The following KHDRBS1 variants were observed in gnomAD, a reference collection of about 807,000 sequenced individuals.
KHDRBS1 encodes KH domain-containing, RNA-binding, signal transduction-associated protein 1.
KHDRBS1 carries 7 observed loss-of-function variants against 48.4 expected under a neutral mutation model. The observed-to-expected ratio is 0.14, with a 90% CI of 0.08 to 0.27. KHDRBS1 has a LOEUF of 0.27. Ranked by LOEUF, KHDRBS1 falls within the 10% of genes least tolerant of loss-of-function variation. KHDRBS1 has a pLI of 1.00. For synonymous variants in KHDRBS1, 241 were observed against 235.8 expected (o/e 1.02, Z -0.20); for missense variants, 458 against 601.2 (o/e 0.76, Z 2.49).
At chr1:32,026,991 C>T (rs1370813779) in intron 1 of KHDRBS1, among the ~76,000 whole-genome samples, 1 of 152,162 alleles carries the variant, frequency 6.6e-6, no homozygotes, top group African/African-American at 2.4e-5. Flanking sequence ...GACGGGGTTT[C>T]CCCATGTTGA....
chr1:32,028,338 G>C, intron 1 of KHDRBS1, among the ~76,000 whole-genome samples: 1 of 151,692 alleles, frequency 6.6e-6, no homozygotes, highest in East Asian at 1.9e-4. Flanking sequence ...CCTCTTCTAG[G>C]TGATTGTGAT....
intron 3 of KHDRBS1, among the ~76,000 whole-genome samples, chr1:32,032,175 A>G (rs534403752): frequency 6.2e-4 from 94 of 152,046 alleles, no homozygotes; most frequent in Non-Finnish European, 8.2e-4. Context: ...TTTTTTCCCC[A>G]TGCCATAGCC....
In KHDRBS1 at chr1:32,042,649, A is replaced by G. The variant is rs1301434735; in HGVS notation, c.*25A>G. On this transcript the variant is annotated 3_prime_UTR_variant, in exon 9 of 9. Coordinates refer to ENST00000327300, the MANE Select transcript of KHDRBS1 (RefSeq NM_006559.3). Reference sequence around the variant, plus strand: ...AAAACAAACATGAGGGGAAAATATCAGTTATGAGCAAAGTTGTTACTGATT... The same window carrying G: ...AAAACAAACATGAGGGGAAAATATCGGTTATGAGCAAAGTTGTTACTGATT... The G allele has an allele frequency of 7.2e-7, 1 of 1,387,068 alleles. No individual in the cohort carries two copies. The highest frequency in any genetic ancestry group is 1.2e-5 in the South Asian group (1 of 86,032). 85.9% of individuals were successfully genotyped at this position (1,387,068 alleles called of 1,614,324 possible). A position where few individuals can be genotyped will look rare whatever the true frequency, so the allele number is the denominator to read the frequency against.
chr1:32,017,446 A>T (rs184089578), intron 1 of KHDRBS1, among the ~76,000 whole-genome samples: 404 of 152,058 alleles, frequency 2.7e-3, no homozygotes, highest in African/African-American at 9.4e-3. Flanking sequence ...TATACTAAGT[A>T]AAATGCTGTT....
At chr1:32,036,449 G>C (rs566497697) in intron 4 of KHDRBS1, among the ~76,000 whole-genome samples, 34 of 152,218 alleles carry the variant, frequency 2.2e-4, no homozygotes, top group Middle Eastern at 6.8e-3. Context: ...GATTACAGGC[G>C]TGAGCCACTG....
chr1:32,019,436 G>C (rs1040096556), intron 1 of KHDRBS1, among the ~76,000 whole-genome samples: 3 of 152,018 alleles, frequency 2.0e-5, no homozygotes, highest in African/African-American at 7.2e-5. Flanking sequence ...TGTAATGCCG[G>C]CTACTTGGAA....
chr1:32,014,185 C>T lies in KHDRBS1; in HGVS notation c.190C>T (p.Pro64Ser), dbSNP rs1473193198. The change falls in exon 1 of 9, where the codon CCA becomes TCA. Residue 64 changes from proline (P) to serine (S), a missense_variant. Physicochemically the swap from Pro to Ser is moderately conservative, Grantham distance 74. Around this residue, in one of 3 missense-constraint regions of KHDRBS1, gnomAD observed 213 missense variants for 215.6 expected, o/e 0.99. Coordinates refer to ENST00000327300, the MANE Select transcript of KHDRBS1 (RefSeq NM_006559.3). ...CCGGGCCTCGCCCGCCACGCAGCCG[C>T]CACCGCTGCTGCCGCCCTCGGCCAC... is the stretch of plus-strand genomic sequence containing the variant. ...GARASPATQPPPLLPPSATGP... is the reference protein window; with the variant it reads ...GARASPATQPSPLLPPSATGP... The T allele has an allele frequency of 3.0e-6, 4 of 1,337,158 alleles. No individual in the cohort carries two copies. The highest frequency in any genetic ancestry group is 3.8e-6 in the Non-Finnish European group (4 of 1,039,840). 82.8% of individuals were successfully genotyped at this position (1,337,158 alleles called of 1,614,324 possible).
downstream of KHDRBS1, among the ~76,000 whole-genome samples, chr1:32,046,224 G>GT (rs35900268): frequency 0.033 from 4,807 of 145,780 alleles, 246 homozygotes; most frequent in African/African-American, 0.11. Context: ...CTTTTGTTTT[G>GT]TTTTTTTTGA....
At chr1:32,020,248 C>T (rs149003641) in intron 1 of KHDRBS1, among the ~76,000 whole-genome samples, 44 of 150,546 alleles carry the variant, frequency 2.9e-4, no homozygotes, top group African/African-American at 1.0e-3. Context: ...CTGAGAATGG[C>T]GGCACACACC....
chr1:32,053,065 A>G (rs1639442569), intron 10 of KHDRBS1, among the ~76,000 whole-genome samples: 1 of 152,154 alleles, frequency 6.6e-6, no homozygotes, highest in Admixed American at 6.5e-5. Context: ...AGTCAGGAAG[A>G]TCTCTTGAGC....
chr1:32,027,306 T>C (rs1441764446), intron 1 of KHDRBS1, among the ~76,000 whole-genome samples: 2 of 152,180 alleles, frequency 1.3e-5, no homozygotes, highest in African/African-American at 4.8e-5. Context: ...TCTAGGACTT[T>C]GAGGATTGAA....
chr1:32,053,572 GA>G (rs1373561843), intron 10 of KHDRBS1, among the ~76,000 whole-genome samples: 2 of 151,954 alleles, frequency 1.3e-5, no homozygotes, highest in African/African-American at 2.4e-5. Context: ...ATTTTTTATA[GA>G]AACAAGTCTC....
intron 1 of KHDRBS1, among the ~76,000 whole-genome samples, chr1:32,020,377 G>C (rs1433349776): frequency 6.7e-6 from 1 of 150,344 alleles, no homozygotes; most frequent in East Asian, 1.9e-4. Flanking sequence ...CTTGAGCTGA[G>C]ATCGTGCCAC....
rs1217086736 is a variant in KHDRBS1, at chr1:32,039,502, C to G, written c.1176-13C>G. 4 of 1,318,632 alleles carry G rather than the reference C, an allele frequency of 3.0e-6. No individual in the cohort carries two copies. Among genetic ancestry groups the G allele is most frequent in the African/African-American group, 1.4e-5 (1 of 69,064 alleles). The allele number at this position is 1,318,632 out of a possible 1,614,324, so 81.7% of individuals were successfully genotyped here. On this transcript the variant is annotated splice_polypyrimidine_tract_variant and intron_variant, in intron 7 of 8. Coordinates refer to ENST00000327300, the MANE Select transcript of KHDRBS1 (RefSeq NM_006559.3). ...ACTCTGTAGCTTCCTAACACTCTGC[C>G]TTTGGCTTTCAGGGACTCAGAATAT...
intron 10 of KHDRBS1, among the ~76,000 whole-genome samples, chr1:32,051,641 C>G (rs1639423203): frequency 6.6e-6 from 1 of 152,226 alleles, no homozygotes; most frequent in African/African-American, 2.4e-5. Flanking sequence ...CTAGCCCTCT[C>G]TTCCCCCACC....
At chr1:32,033,164 A>G in intron 3 of KHDRBS1, 24 bp from the exon 4 acceptor site, 1 of 1,607,216 alleles carries the variant, frequency 6.2e-7, no homozygotes, top group Non-Finnish European at 8.5e-7. Context: ...CCATGGTGTG[A>G]CATTTCTCTG....
In KHDRBS1 at chr1:32,034,913, G is replaced by A. The variant is rs547514404; in HGVS notation, c.771+1579G>A. ...GGAGAATGGTATGAACCCGGGAGGC[G>A]GAGCTTGCAGTGAGCCGAGATTGCG... On this transcript the variant is annotated intron_variant, in intron 4 of 8. Coordinates refer to ENST00000327300, the MANE Select transcript of KHDRBS1 (RefSeq NM_006559.3). 2.9e-4 allele frequency among the ~76,000 whole-genome samples: 44 copies of A among 151,704 alleles called. No homozygotes were observed. The South Asian group carries it at 4.0e-3, about 14-fold the overall frequency.
chr1:32,036,956 A>G lies in KHDRBS1; in HGVS notation c.818A>G (p.Tyr273Cys). The G allele has an allele frequency of 6.2e-7, 1 of 1,614,080 alleles. No individual in the cohort carries two copies. Among genetic ancestry groups the G allele is most frequent in the Non-Finnish European group, 8.5e-7 (1 of 1,179,978 alleles). ...ICQEQFLELS[Y>C]LNGVPEPSRG... ...CAGGAGCAATTTCTAGAGCTGTCCT[A>G]CTTGAATGGAGTACCTGAACCCTCT... The change falls in exon 5 of 9, where the codon TAC (tyrosine) becomes TGC (cysteine). Residue 273 changes from tyrosine (Y) to cysteine (C), a missense_variant. Around this residue, in one of 3 missense-constraint regions of KHDRBS1, gnomAD observed 74 missense variants for 156.9 expected, o/e 0.47. Transcript: ENST00000327300.
At chr1:32,045,978 A>C (rs1639352101), downstream of KHDRBS1, among the ~76,000 whole-genome samples, 1 of 152,156 alleles carries the variant, frequency 6.6e-6, no homozygotes, top group African/African-American at 2.4e-5. Context: ...GTGAGTTGTT[A>C]GGAAAGGGAA....
Sources: allele counts gnomAD v4.1 joint callset (sites outside exome capture counted in the v4.1 genomes callset), GRCh38; gene constraint gnomAD v4.1.1; regional missense constraint gnomAD v4.1.1; transcripts MANE v1.5; gene names NCBI Gene and HGNC (gene_info 2026-07-23, HGNC 2026-07-21).